Variants in MTR observed in about 807,000 individuals in gnomAD.
The protein encoded by MTR is methionine synthase.
A neutral mutation model predicts 154.8 loss-of-function variants in MTR; 84 were observed. The ratio of observed to expected loss-of-function variants is 0.54; its 90% CI spans 0.45 to 0.65. The LOEUF (loss-of-function observed/expected upper bound fraction) is 0.65, where lower values mean the gene tolerates loss of function less well. Among genes scored for constraint, MTR ranks in the 30% least tolerant of loss-of-function variants. The probability of loss-of-function intolerance (pLI) is 0.00; values close to 1 mark genes in which losing one functional copy is unlikely to be tolerated. For missense variants in MTR, 1,275 were observed against 1,570.2 expected, an observed-to-expected ratio of 0.81 and a Z score of 3.18; for synonymous variants, 554 against 553.9, an observed-to-expected ratio of 1.00 and a Z score of 0.00.
intron 18 of MTR, among the ~76,000 whole-genome samples, chr1:236,859,563 G>A (rs568346383): frequency 6.6e-6 from 1 of 152,236 alleles, no homozygotes; most frequent in East Asian, 1.9e-4. Context: ...TTTGTGTTGA[G>A]TTGTTATTTT....
At chr1:236,818,623 C>T (rs10925238) in intron 8 of MTR, among the ~76,000 whole-genome samples, 52,886 of 152,028 alleles carry the variant, frequency 0.35, 9,927 homozygotes, top group Non-Finnish European at 0.41. Flanking sequence ...TATTTCGTTA[C>T]GAATCTTACA....
At chr1:236,867,392 A>C (rs947721688) in intron 22 of MTR, among the ~76,000 whole-genome samples, 1 of 152,232 alleles carries the variant, frequency 6.6e-6, no homozygotes, top group African/African-American at 2.4e-5. Context: ...ACTGCTCAGT[A>C]AAAAAGATTC....
At position 236,898,469 on chromosome 1, in the gene MTR, G is replaced by A. The variant is rs547280403; in HGVS notation, c.*825G>A. On this transcript the variant is annotated 3_prime_UTR_variant, in exon 33 of 33. Transcript: ENST00000366577. ...GGCTGGAGTGCAGGGGCGCAATCTC[G>A]GCTCATAGCAAGCTCCGCCTCCTGG... 5.3e-5 allele frequency: 8 copies of A among 151,284 alleles called. No individual in the cohort carries two copies. The East Asian group carries it at 7.8e-4, about 15-fold the overall frequency. The allele number at this position is 151,284 out of a possible 1,614,324, so 9.4% of individuals were successfully genotyped here.
intron 5 of MTR, among the ~76,000 whole-genome samples, chr1:236,811,371 T>C (rs952441402): frequency 2.0e-5 from 3 of 152,178 alleles, no homozygotes; most frequent in African/African-American, 4.8e-5. Flanking sequence ...AACTACCATA[T>C]ATAAACATAC....
chr1:236,862,428 G>C, intron 21 of MTR, 85 bp downstream of exon 21: 2 of 1,074,380 alleles, frequency 1.9e-6, no homozygotes, highest in Non-Finnish European at 2.9e-6. Context: ...AGCAGTCAGG[G>C]TTGGCTGTGT....
At chr1:236,874,896 C>T in intron 24 of MTR, 50 bp downstream of exon 24, 1 of 1,599,896 alleles carries the variant, frequency 6.3e-7, no homozygotes, top group South Asian at 1.1e-5. Context: ...TCTTATATGC[C>T]AGTGTTTGAA....
At chr1:236,810,650 A>G in intron 5 of MTR, 55 bp downstream of exon 5, 1 of 1,396,920 alleles carries the variant, frequency 7.2e-7, no homozygotes, top group South Asian at 1.2e-5. Flanking sequence ...CCCAAGCTTC[A>G]GTAAGCTATA....
At chr1:236,832,918 GT>G (rs1662697263) in intron 13 of MTR, among the ~76,000 whole-genome samples, 1 of 152,200 alleles carries the variant, frequency 6.6e-6, no homozygotes, top group Non-Finnish European at 1.5e-5. Context: ...TGGTTGCCCA[GT>G]TTCACCACTT....
chr1:236,814,183 C>G (rs1354157484), intron 6 of MTR, among the ~76,000 whole-genome samples: 1 of 152,174 alleles, frequency 6.6e-6, no homozygotes, highest in Admixed American at 6.5e-5. Context: ...CTTAACACAT[C>G]ACTTTCACTG....
chr1:236,809,097 C>T (rs1181526774), intron 4 of MTR, among the ~76,000 whole-genome samples: 2 of 152,216 alleles, frequency 1.3e-5, no homozygotes, highest in East Asian at 1.9e-4. Flanking sequence ...AGCACATCAT[C>T]ATGTCATTAA....
chr1:236,816,503 G>C lies in MTR; in HGVS notation c.724G>C (p.Glu242Gln). 1.2e-6 allele frequency: 2 copies of C among 1,614,136 alleles called. No homozygotes were observed. The highest frequency in any genetic ancestry group is 1.7e-6 in the Non-Finnish European group (2 of 1,179,986). Residue 242 changes from glutamate (E) to glutamine (Q), a missense_variant, in exon 8 of 33, where the codon GAG becomes CAG. By Grantham distance (29) the Glu-to-Gln change is conservative. Coordinates refer to ENST00000366577, the MANE Select transcript of MTR (RefSeq NM_000254.3). The part of the protein sequence containing the change: ...SGRTLSGQTG[E>Q]GFVISVSHGE... ...GCGGACTCTTTCCGGACAGACAGGAGAGGGATTTGTCATCAGCGTGTCTCA... is the reference window on the plus strand; with the variant it reads ...GCGGACTCTTTCCGGACAGACAGGACAGGGATTTGTCATCAGCGTGTCTCA...
chr1:236,826,751 G>C, intron 10 of MTR, 78 bp from the exon 11 acceptor site: 2 of 1,127,664 alleles, frequency 1.8e-6, no homozygotes, highest in Non-Finnish European at 2.7e-6. Flanking sequence ...AAGTATAGAC[G>C]GCTTTTATGT....
At chr1:236,838,790 A>G (rs906140992) in intron 15 of MTR, among the ~76,000 whole-genome samples, 191 bp downstream of exon 15, 9 of 152,208 alleles carry the variant, frequency 5.9e-5, no homozygotes, top group Admixed American at 1.3e-4. Context: ...CAATGGAGAT[A>G]TGGTCTGAGA....
chr1:236,798,724 G>T (rs143083060), intron 1 of MTR, among the ~76,000 whole-genome samples: 1 of 152,192 alleles, frequency 6.6e-6, no homozygotes, highest in African/African-American at 2.4e-5. Context: ...TAATCAGAAA[G>T]AATCTGCTTT....
chr1:236,876,930 C>T (rs1665467533), intron 24 of MTR, among the ~76,000 whole-genome samples: 1 of 152,220 alleles, frequency 6.6e-6, no homozygotes, highest in South Asian at 2.1e-4. Context: ...GCTGAGTCCA[C>T]TGACCACCTA....
chr1:236,884,383 A>C (rs1302161331), intron 25 of MTR, among the ~76,000 whole-genome samples: 7 of 152,238 alleles, frequency 4.6e-5, no homozygotes. Context: ...GGAGTTTCTT[A>C]ACCCAGAGGG....
intron 5 of MTR, 117 bp from the exon 6 acceptor site, chr1:236,812,621 A>T: frequency 1.2e-6 from 1 of 822,154 alleles, no homozygotes; most frequent in South Asian, 1.4e-5. Flanking sequence ...CATGTTCTTA[A>T]ACTATGCATT....
rs1667019082 is a variant in MTR at position 236,903,717 on chromosome 1, A to C, written c.*6073A>C. On this transcript the variant is annotated 3_prime_UTR_variant, in exon 33 of 33. Transcript: ENST00000366577. ...ACATCTGGCGACCTGCTGAGTGTGA[A>C]CTTGCAGCAGGTGAGGAAGGAACTC... is the stretch of plus-strand genomic sequence containing the variant. The C allele has an allele frequency of 6.6e-6, 1 of 152,154 alleles. No individual in the cohort carries two copies. The highest frequency in any genetic ancestry group is 2.4e-5 in the African/African-American group (1 of 41,430). 9.4% of individuals were successfully genotyped at this position (152,154 alleles called of 1,614,324 possible).
intron 29 of MTR, among the ~76,000 whole-genome samples, chr1:236,892,661 A>T (rs1325005170): frequency 6.6e-6 from 1 of 152,228 alleles, no homozygotes; most frequent in Non-Finnish European, 1.5e-5. Context: ...TAGGCTCAGT[A>T]AATCCTCACT....
Sources: gnomAD v4.1 joint callset for allele counts (sites outside exome capture counted in the v4.1 genomes callset) on GRCh38, gnomAD v4.1.1 for gene constraint, MANE v1.5 for transcripts, NCBI Gene and HGNC (gene_info 2026-07-23, HGNC 2026-07-21) for gene names.